SETD4: variants seen among roughly 807,000 people sequenced by gnomAD.
SETD4 encodes SET domain containing 4, also known as SET domain-containing protein 4.
A neutral mutation model predicts 58.3 loss-of-function variants in SETD4; 46 were observed. That is an observed-to-expected ratio of 0.79 (90% CI 0.62 to 1.01). SETD4 has a LOEUF of 1.01. Ranked by LOEUF, SETD4 falls within the 50% of genes least tolerant of loss-of-function variation. The probability of loss-of-function intolerance (pLI) is 0.00; values close to 1 mark genes in which losing one functional copy is unlikely to be tolerated. For synonymous variants in SETD4, 190 were observed against 202.6 expected (o/e 0.94, Z 0.53); for missense variants, 490 against 523.3 (o/e 0.94, Z 0.62).
chr21:36,050,483 C>G, intron 4 of SETD4: 1 of 1,613,908 alleles, frequency 6.2e-7, no homozygotes, highest in Non-Finnish European at 8.5e-7. Flanking sequence ...ATAGTGACAT[C>G]ACTGTTTTGC....
intron 7 of SETD4, chr21:36,042,132 C>T (rs531307263): frequency 3.7e-6 from 1 of 271,548 alleles, no homozygotes. Flanking sequence ...AGCTCCTGCT[C>T]CCACTAAGTA....
chr21:36,036,021 C>T (rs562887125), intron 11 of SETD4, 61 bp from the exon 12 acceptor site: 302 of 1,466,592 alleles, frequency 2.1e-4, no homozygotes, highest in South Asian at 2.4e-5. Context: ...CACAACTCAT[C>T]GACTCTAAAC....
intron 7 of SETD4, chr21:36,042,762 T>C (rs1053379661): frequency 2.6e-5 from 4 of 152,200 alleles, no homozygotes; most frequent in African/African-American, 9.7e-5. Context: ...TAACACTATA[T>C]TTGGAATTTT....
rs761467437 is a variant in SETD4, at chr21:36,045,946, C to T, written c.362G>A (p.Gly121Glu). 6.2e-7 allele frequency: 1 copy of T among 1,614,122 alleles called. No individual in the cohort carries two copies. Among genetic ancestry groups the T allele is most frequent in the Non-Finnish European group, 8.5e-7 (1 of 1,180,028 alleles). The change falls in exon 6 of 12, where the codon GGG becomes GAG. Residue 121 changes from glycine to glutamate, a missense_variant. Gly to Glu is a moderately conservative substitution (Grantham distance 98). Transcript: ENST00000332131. ...GTAAGGCTTCCAAAGAGATCGGTGC[C>T]CAGCATGCTTTTCTGAAACTAAAAA... The part of the protein sequence containing the change: ...CTFLVSEKHA[G>E]HRSLWKPYLE...
chr21:36,056,766 C>T (rs1195969671), intron 3 of SETD4, among the ~76,000 whole-genome samples: 1 of 152,082 alleles, frequency 6.6e-6, no homozygotes, highest in Non-Finnish European at 1.5e-5. Context: ...TCATGTTGGC[C>T]AGGCTGGTCT....
At chr21:36,044,456 T>C (rs2064211411) in intron 6 of SETD4, among the ~76,000 whole-genome samples, 1 of 152,222 alleles carries the variant, frequency 6.6e-6, no homozygotes, top group Non-Finnish European at 1.5e-5. Flanking sequence ...CAGTAAACTA[T>C]AAACTCATTG....
At chr21:36,051,339 C>T (rs2064674279) in intron 4 of SETD4, 1 of 1,567,548 alleles carries the variant, frequency 6.4e-7, no homozygotes, top group South Asian at 1.1e-5. Flanking sequence ...CAACATGAAC[C>T]AGCTGCTAGC....
chr21:36,057,418 G>C, intron 2 of SETD4: 1 of 710,148 alleles, frequency 1.4e-6, no homozygotes, highest in East Asian at 2.7e-5. Context: ...GCCAAGGCGG[G>C]AGGACTGCTT....
intron 10 of SETD4, 89 bp from the exon 11 acceptor site, chr21:36,036,340 T>C: frequency 7.9e-7 from 1 of 1,270,592 alleles, no homozygotes; most frequent in South Asian, 1.5e-5. Context: ...CAATTTTAAG[T>C]GTATGGTTCA....
rs1442823377 is a variant in SETD4 at position 36,036,145 on chromosome 21, A to T, written c.1295T>A (p.Leu432Gln). ...GGTAAAAGCTGTTTGCAAACTGTGC[A>T]GGGTCTCGGCAGATGCCCTGAGAAT... is the stretch of plus-strand genomic sequence containing the variant. The part of the protein sequence containing the change: ...LKILRASAET[L>Q]HSLQTAFT The change falls in exon 11 of 12, where the codon CTG becomes CAG. Residue 432 changes from leucine (L) to glutamine (Q), a missense_variant. Coordinates refer to ENST00000332131, the MANE Select transcript of SETD4 (RefSeq NM_017438.5). 6.2e-7 allele frequency: 1 copy of T among 1,614,172 alleles called. No individual in the cohort carries two copies. Among genetic ancestry groups the T allele is most frequent in the Non-Finnish European group, 8.5e-7 (1 of 1,180,024 alleles).
chr21:36,058,505 C>CA (rs61270283), intron 2 of SETD4, among the ~76,000 whole-genome samples: 18,156 of 95,038 alleles, frequency 0.19, 1,264 homozygotes, highest in Middle Eastern at 0.32. Context: ...ACCTTGTCTC[C>CA]AAAAAAAAAA....
At chr21:36,036,006 G>T in intron 11 of SETD4, 46 bp from the exon 12 acceptor site, 2 of 1,351,688 alleles carry the variant, frequency 1.5e-6, no homozygotes, top group Non-Finnish European at 2.1e-6. Flanking sequence ...TAATTGTTGA[G>T]TAGACACAAC....
Position 36,042,112 on chromosome 21 carries a change from G to T in SETD4, c.902-224C>A, listed in dbSNP as rs1457355913. On this transcript the variant is annotated intron_variant, in intron 7 of 11. Transcript: ENST00000332131. ...ATTTCAAGGCTGGAGGACTAAACAC[G>T]CATAACCTCAGCTCCTGCTCCCACT... The T allele has an allele frequency of 1.8e-5, 6 of 334,228 alleles. No individual in the cohort carries two copies. The East Asian group carries it at 4.2e-4, about 24-fold the overall frequency. 20.7% of individuals were successfully genotyped at this position (334,228 alleles called of 1,614,324 possible). A position where few individuals can be genotyped will look rare whatever the true frequency, so the allele number is the denominator to read the frequency against.
At chr21:36,042,882 T>G (rs2064129774) in intron 7 of SETD4, 1 of 152,118 alleles carries the variant, frequency 6.6e-6, no homozygotes, top group Non-Finnish European at 1.5e-5. Context: ...GGCAGGAGGA[T>G]CTCGAGCCCA....
intron 8 of SETD4, 135 bp from the exon 9 acceptor site, chr21:36,040,790 C>G (rs1486123988): frequency 2.9e-6 from 2 of 695,722 alleles, no homozygotes; most frequent in African/African-American, 3.6e-5. Context: ...GGCCAAAGGA[C>G]AAGAGAAAAT....
chr21:36,038,166 T>C lies in SETD4; in HGVS notation c.1172A>G (p.Asn391Ser). 1.2e-6 allele frequency: 2 copies of C among 1,613,270 alleles called. No homozygotes were observed. Among genetic ancestry groups the C allele is most frequent in the Middle Eastern group, 3.3e-4 (2 of 6,056 alleles). Residue 391 changes from asparagine to serine, a missense_variant, in exon 10 of 12, where the codon AAT (asparagine) becomes AGT (serine). Coordinates refer to ENST00000332131, the MANE Select transcript of SETD4 (RefSeq NM_017438.5). Reference sequence around the variant, plus strand: ...GAAACATACCTTTTGAAGCACAGCATTAGTCTCTTCTATGAAATAATAGCA... The same window carrying C: ...GAAACATACCTTTTGAAGCACAGCACTAGTCTCTTCTATGAAATAATAGCA... ...KICYYFIEET[N>S]AVLQKVSHMK...
At chr21:36,045,520 G>A (rs1568916397) in intron 6 of SETD4, 62 bp downstream of exon 6, 4 of 1,564,842 alleles carry the variant, frequency 2.6e-6, no homozygotes, top group African/African-American at 2.7e-5. Flanking sequence ...ACAGCCACAG[G>A]TTCTGGGCAG....
chr21:36,052,078 A>G (rs1216125539), intron 4 of SETD4, among the ~76,000 whole-genome samples: 1 of 152,148 alleles, frequency 6.6e-6, no homozygotes, highest in African/African-American at 2.4e-5. Context: ...TAATAGAATT[A>G]CAACATTAAA....
rs138575873 is a variant in SETD4 at position 36,038,182 on chromosome 21, A to C, written c.1156T>G (p.Phe386Val). Residue 386 changes from phenylalanine to valine, a missense_variant, in exon 10 of 12, where the codon TTC becomes GTC. Physicochemically the swap from Phe to Val is conservative, Grantham distance 50. Coordinates refer to ENST00000332131, the MANE Select transcript of SETD4 (RefSeq NM_017438.5). ...LDIAQKICYY[F>V]IEETNAVLQK... Reference sequence around the variant, plus strand: ...AGCACAGCATTAGTCTCTTCTATGAAATAATAGCATATTTTCTGGGCTATG... The same window carrying C: ...AGCACAGCATTAGTCTCTTCTATGACATAATAGCATATTTTCTGGGCTATG... 1 of 1,614,054 alleles carries C rather than the reference A, an allele frequency of 6.2e-7. No homozygotes were observed. Among genetic ancestry groups the C allele is most frequent in the Admixed American group, 1.7e-5 (1 of 60,012 alleles).
Sources: allele counts gnomAD v4.1 joint callset (sites outside exome capture counted in the v4.1 genomes callset), GRCh38; gene constraint gnomAD v4.1.1; transcripts MANE v1.5; gene names NCBI Gene and HGNC (gene_info 2026-07-23, HGNC 2026-07-21).